Variants in CADM1 observed in about 807,000 individuals in gnomAD.
CADM1 encodes the protein cell adhesion molecule 1.
Under a neutral mutation model 53.1 loss-of-function variants are expected in CADM1, and 15 were observed. The ratio of observed to expected loss-of-function variants is 0.28; its 90% CI spans 0.19 to 0.44. The LOEUF is 0.44. Ranked by LOEUF, CADM1 falls within the 20% of genes least tolerant of loss-of-function variation. CADM1 has a pLI of 1.00. For synonymous variants in CADM1, 281 were observed against 243.0 expected (o/e 1.16, Z -1.45); for missense variants, 434 against 611.3 (o/e 0.71, Z 3.06).
intron 1 of CADM1, among the ~76,000 whole-genome samples, chr11:115,276,416 G>A (rs571608274): frequency 3.9e-5 from 6 of 152,188 alleles, no homozygotes; most frequent in Non-Finnish European, 8.8e-5. Context: ...GGTAGCTGCA[G>A]CATGCCACTC....
intron 1 of CADM1, among the ~76,000 whole-genome samples, chr11:115,473,324 T>G (rs1295008857): frequency 6.6e-6 from 1 of 152,128 alleles, no homozygotes; most frequent in Non-Finnish European, 1.5e-5. Context: ...CCAGGCGTGG[T>G]GGCACACACA....
chr11:115,380,983 C>T (rs879272481), intron 1 of CADM1, among the ~76,000 whole-genome samples: 1 of 152,050 alleles, frequency 6.6e-6, no homozygotes, highest in South Asian at 2.1e-4. Context: ...CTAAGAGGTT[C>T]CCTTTCATAC....
intron 1 of CADM1, among the ~76,000 whole-genome samples, chr11:115,302,630 A>G (rs914172828): frequency 1.3e-5 from 2 of 152,126 alleles, no homozygotes; most frequent in Admixed American, 1.3e-4. Flanking sequence ...TTACCTAAAA[A>G]AAGAAAAAAA....
At chr11:115,232,378 T>C (rs1156337565) in intron 3 of CADM1, among the ~76,000 whole-genome samples, 2 of 152,146 alleles carry the variant, frequency 1.3e-5, no homozygotes, top group South Asian at 2.1e-4. Flanking sequence ...TGATGGATAA[T>C]GTAGTAATAA....
At chr11:115,360,127 T>C (rs2135091060) in intron 1 of CADM1, among the ~76,000 whole-genome samples, 1 of 152,326 alleles carries the variant, frequency 6.6e-6, no homozygotes, top group East Asian at 1.9e-4. Flanking sequence ...ACCTGCTACT[T>C]TGACATTTGT....
At chr11:115,239,727 C>A (rs985064376) in intron 2 of CADM1, among the ~76,000 whole-genome samples, 23 of 132,364 alleles carry the variant, frequency 1.7e-4, no homozygotes, top group African/African-American at 6.3e-4. Flanking sequence ...TTTTTTTTTT[C>A]AAAAGATTTG....
chr11:115,480,475 T>C (rs1028864532), intron 1 of CADM1, among the ~76,000 whole-genome samples: 2 of 152,208 alleles, frequency 1.3e-5, no homozygotes, highest in Non-Finnish European at 2.9e-5. Context: ...GAGGGAGTTC[T>C]GTGTGCTCTC....
chr11:115,416,698 T>TACACAC (rs34112529), intron 1 of CADM1, among the ~76,000 whole-genome samples: 9,465 of 141,348 alleles, frequency 0.067, 324 homozygotes, highest in Non-Finnish European at 0.076. Context: ...AAGGATTAAA[T>TACACAC]ACACACACAC....
At chr11:115,185,568 CTTGA>C (rs1338668183) in intron 10 of CADM1, among the ~76,000 whole-genome samples, 2 of 152,114 alleles carry the variant, frequency 1.3e-5, no homozygotes, top group Non-Finnish European at 2.9e-5. Context: ...TCTCAAATTC[CTTGA>C]TTTAGTTAAT....
intron 1 of CADM1, among the ~76,000 whole-genome samples, chr11:115,324,131 T>C (rs949604049): frequency 2.0e-5 from 3 of 152,148 alleles, no homozygotes; most frequent in African/African-American, 7.2e-5. Flanking sequence ...TTTCAAACAA[T>C]GGGGAACAAC....
intron 1 of CADM1, among the ~76,000 whole-genome samples, chr11:115,354,084 G>C (rs1051818938): frequency 2.6e-5 from 4 of 152,146 alleles, no homozygotes; most frequent in African/African-American, 9.7e-5. Context: ...TGCTGATCTG[G>C]AAGCAGAAGA....
At chr11:115,403,074 T>A (rs1364308076) in intron 1 of CADM1, among the ~76,000 whole-genome samples, 3 of 152,216 alleles carry the variant, frequency 2.0e-5, no homozygotes, top group African/African-American at 7.2e-5. Flanking sequence ...AGACACCACC[T>A]TAGCCAAATG....
At chr11:115,328,656 C>A in intron 1 of CADM1, among the ~76,000 whole-genome samples, 1 of 86,906 alleles carries the variant, frequency 1.2e-5, no homozygotes, top group African/African-American at 4.1e-5. Context: ...TATATATATA[C>A]ACACGCACAC....
intron 1 of CADM1, among the ~76,000 whole-genome samples, chr11:115,282,161 T>C (rs567807039): frequency 6.6e-6 from 1 of 152,356 alleles, no homozygotes; most frequent in African/African-American, 2.4e-5. Context: ...ACTATGGTGA[T>C]GTCTTATATG....
At chr11:115,463,184 T>C (rs1948831299) in intron 1 of CADM1, among the ~76,000 whole-genome samples, 2 of 152,124 alleles carry the variant, frequency 1.3e-5, no homozygotes, top group African/African-American at 4.8e-5. Context: ...TATTGATTGA[T>C]CCTATGGACC....
chr11:115,232,983 G>T (rs1461190104), intron 3 of CADM1, among the ~76,000 whole-genome samples: 2 of 152,182 alleles, frequency 1.3e-5, no homozygotes, highest in Admixed American at 1.3e-4. Context: ...CCAAGTATTT[G>T]GGATTTCCAA....
chr11:115,362,978 T>G (rs1178115214), intron 1 of CADM1, among the ~76,000 whole-genome samples: 4 of 152,216 alleles, frequency 2.6e-5, no homozygotes, highest in Non-Finnish European at 5.9e-5. Flanking sequence ...AGAGCAAAGC[T>G]GTTGTTATCT....
At chr11:115,255,857 C>T (rs1286823789) in intron 1 of CADM1, among the ~76,000 whole-genome samples, 1 of 152,180 alleles carries the variant, frequency 6.6e-6, no homozygotes, top group Non-Finnish European at 1.5e-5. Flanking sequence ...AAAATAACAA[C>T]AACCAATGCA....
intron 1 of CADM1, among the ~76,000 whole-genome samples, chr11:115,502,627 G>A (rs1339193867): frequency 3.3e-5 from 5 of 151,932 alleles, no homozygotes; most frequent in Non-Finnish European, 7.4e-5. Flanking sequence ...ACAGTGGCAT[G>A]GAGGAAAAAA....
Sources: gnomAD v4.1 joint callset for allele counts (sites outside exome capture counted in the v4.1 genomes callset) on GRCh38, gnomAD v4.1.1 for gene constraint, MANE v1.5 for transcripts, NCBI Gene and HGNC (gene_info 2026-07-23, HGNC 2026-07-21) for gene names.